Variants in IFT25 observed in about 807,000 individuals in gnomAD.
IFT25 encodes intraflagellar transport protein 25 homolog.
chr1:53,942,172 C>T, the IFT25 span, among the ~76,000 whole-genome samples: 1 of 152,052 alleles, frequency 6.6e-6, no homozygotes, highest in Non-Finnish European at 1.5e-5. Context: ...GCTAGAAAGA[C>T]GACTTGCAAT....
At chr1:53,937,763 C>T in the IFT25 span, among the ~76,000 whole-genome samples, 1 of 152,166 alleles carries the variant, frequency 6.6e-6, no homozygotes, top group Non-Finnish European at 1.5e-5. Flanking sequence ...AGGAGTGTTT[C>T]TGGAAAGTCC....
the IFT25 span, chr1:53,928,382 C>T: frequency 6.2e-7 from 1 of 1,611,898 alleles, no homozygotes; most frequent in Non-Finnish European, 8.5e-7. Context: ...CTTTTTCAAT[C>T]CATTGCTCAA....
the IFT25 span, chr1:53,921,599 C>T: frequency 1.9e-6 from 2 of 1,028,790 alleles, no homozygotes; most frequent in Non-Finnish European, 3.0e-6. Context: ...TCAGTGACAA[C>T]TTCCTGTTTA....
chr1:53,914,278 T>C, the IFT25 span, among the ~76,000 whole-genome samples: 1 of 152,214 alleles, frequency 6.6e-6, no homozygotes, highest in Non-Finnish European at 1.5e-5. Flanking sequence ...TTCACCAAAA[T>C]CCTCATTTCA....
chr1:53,939,464 A>G, the IFT25 span, among the ~76,000 whole-genome samples: 1 of 152,252 alleles, frequency 6.6e-6, no homozygotes, highest in Non-Finnish European at 1.5e-5. Flanking sequence ...TCTAAGAACA[A>G]TATTTAGAAA....
the IFT25 span, among the ~76,000 whole-genome samples, chr1:53,935,427 C>T: frequency 2.6e-5 from 4 of 152,144 alleles, no homozygotes; most frequent in South Asian, 8.3e-4. Flanking sequence ...TACAGGGTGA[C>T]TGATAACAAG....
At chr1:53,945,628 G>A in the IFT25 span, 1 of 151,796 alleles carries the variant, frequency 6.6e-6, no homozygotes, top group South Asian at 2.0e-4. Flanking sequence ...CCCACGCAGA[G>A]CGTCCCGACC....
At chr1:53,940,120 A>G in the IFT25 span, 2 of 1,169,166 alleles carry the variant, frequency 1.7e-6, no homozygotes, top group Admixed American at 4.2e-5. Flanking sequence ...AAATAACAAA[A>G]AAAGCAACTT....
At chr1:53,921,866 C>G in the IFT25 span, 4 of 733,484 alleles carry the variant, frequency 5.5e-6, no homozygotes, top group East Asian at 1.0e-4. Context: ...GAGTAATATT[C>G]TAAATATATA....
chr1:53,921,684 T>TGCAGAA, the IFT25 span: 1 of 1,611,916 alleles, frequency 6.2e-7, no homozygotes, highest in Non-Finnish European at 8.5e-7. Context: ...CTGTTCCTTC[T>TGCAGAA]GCAGAAACGC....
At chr1:53,937,736 A>C in the IFT25 span, among the ~76,000 whole-genome samples, 1 of 152,200 alleles carries the variant, frequency 6.6e-6, no homozygotes, top group Non-Finnish European at 1.5e-5. Flanking sequence ...AAACGAATCT[A>C]TCTCCAATCA....
At chr1:53,945,901 C>G in the IFT25 span, 1 of 132,560 alleles carries the variant, frequency 7.5e-6, no homozygotes, top group South Asian at 2.4e-4. Flanking sequence ...CTCGCTCCAC[C>G]GAGTTCCCGG....
At chr1:53,944,441 T>C in the IFT25 span, among the ~76,000 whole-genome samples, 8 of 152,130 alleles carry the variant, frequency 5.3e-5, no homozygotes, top group Non-Finnish European at 1.2e-4. Flanking sequence ...GGCCAGCGGT[T>C]CAAGACCAGC....
the IFT25 span, among the ~76,000 whole-genome samples, chr1:53,940,360 G>A: frequency 6.6e-6 from 1 of 151,960 alleles, no homozygotes; most frequent in Non-Finnish European, 1.5e-5. Context: ...AAACACAGAG[G>A]TACAGGAAGA....
the IFT25 span, among the ~76,000 whole-genome samples, chr1:53,912,102 A>G: frequency 6.6e-6 from 1 of 152,148 alleles, no homozygotes; most frequent in African/African-American, 2.4e-5. Context: ...GATGGGACTG[A>G]AGCACAGATG....
chr1:53,940,774 A>G, the IFT25 span, among the ~76,000 whole-genome samples: 217 of 152,112 alleles, frequency 1.4e-3, 1 homozygote, highest in African/African-American at 5.1e-3. Flanking sequence ...CAGTGGAGCA[A>G]TCATGGCTCA....
At chr1:53,931,432 A>C in the IFT25 span, among the ~76,000 whole-genome samples, 1 of 152,188 alleles carries the variant, frequency 6.6e-6, no homozygotes, top group Non-Finnish European at 1.5e-5. Flanking sequence ...CTTTGCTATC[A>C]GGATAATGTT....
chr1:53,912,736 T>C, the IFT25 span, among the ~76,000 whole-genome samples: 2 of 152,208 alleles, frequency 1.3e-5, no homozygotes, highest in African/African-American at 2.4e-5. Flanking sequence ...CCAATCCTTT[T>C]GTTTTACAGT....
the IFT25 span, chr1:53,929,941 T>A: frequency 1.4e-6 from 2 of 1,431,658 alleles, no homozygotes; most frequent in East Asian, 5.6e-5. Context: ...ATATGCCTTC[T>A]GCCTGTGGAA....
Sources: gnomAD v4.1 joint callset for allele counts (sites outside exome capture counted in the v4.1 genomes callset) on GRCh38, gnomAD v4.1.1 for gene constraint, MANE v1.5 for transcripts, NCBI Gene and HGNC (gene_info 2026-07-23, HGNC 2026-07-21) for gene names.